The following SLC2A5 variants were observed in gnomAD, a reference collection of about 807,000 sequenced individuals.
SLC2A5 encodes the protein solute carrier family 2 member 5, also known as solute carrier family 2, facilitated glucose transporter member 5.
Under a neutral mutation model 50.3 loss-of-function variants are expected in SLC2A5, and 56 were observed. The ratio of observed to expected loss-of-function variants is 1.11; its 90% CI spans 0.90 to 1.39. The LOEUF (loss-of-function observed/expected upper bound fraction) is 1.39, where lower values mean the gene tolerates loss of function less well. Ranked by LOEUF, SLC2A5 falls within the 40% of genes most tolerant of loss-of-function variation. The probability of loss-of-function intolerance (pLI) is 0.00; values close to 1 mark genes in which losing one functional copy is unlikely to be tolerated. For synonymous variants in SLC2A5, 269 were observed against 281.9 expected (o/e 0.95, Z 0.46); for missense variants, 566 against 650.1 (o/e 0.87, Z 1.41).
upstream of SLC2A5, chr1:9,071,730 ACC>A (rs1642214772): frequency 6.6e-6 from 1 of 152,126 alleles, no homozygotes; most frequent in Admixed American, 6.5e-5. Context: ...CCAACGCTCG[ACC>A]CGTGCTTCCG....
chr1:9,071,414 C>T (rs893588070), upstream of SLC2A5, among the ~76,000 whole-genome samples: 1 of 152,138 alleles, frequency 6.6e-6, no homozygotes, highest in Non-Finnish European at 1.5e-5. Flanking sequence ...ATCTCCGTCC[C>T]CCATCCTCCC....
In SLC2A5 at chr1:9,045,691, G is replaced by A. The variant is rs955074642; in HGVS notation, c.418+1919C>T. Among the ~76,000 whole-genome samples the A allele has an allele frequency of 3.9e-5, 6 of 151,964 alleles. No homozygotes were observed. In the East Asian group the frequency reaches 9.7e-4, roughly 24 times the overall value. Reference sequence around the variant, plus strand: ...TTGAGACTAGCTTGGCCAACATAGTGAAACCCCATCTCTACCAAAAATACA... The same window carrying A: ...TTGAGACTAGCTTGGCCAACATAGTAAAACCCCATCTCTACCAAAAATACA... On this transcript the variant is annotated intron_variant, in intron 4 of 11. Coordinates refer to ENST00000377424, the MANE Select transcript of SLC2A5 (RefSeq NM_003039.3).
chr1:9,077,139 C>A (rs543891879), intron 2 of SLC2A5, among the ~76,000 whole-genome samples: 32 of 150,614 alleles, frequency 2.1e-4, no homozygotes, highest in Non-Finnish European at 3.8e-4. Flanking sequence ...GTGGCCCATG[C>A]CTATAATCCC....
intron 2 of SLC2A5, among the ~76,000 whole-genome samples, chr1:9,075,121 G>C (rs1642266295): frequency 6.6e-6 from 1 of 152,118 alleles, no homozygotes; most frequent in African/African-American, 2.4e-5. Flanking sequence ...GAAAGCAAAA[G>C]AGAAAGCAAA....
At chr1:9,041,407 G>T in intron 5 of SLC2A5, 1 of 1,097,024 alleles carries the variant, frequency 9.1e-7, no homozygotes, top group Non-Finnish European at 1.2e-6. Context: ...AGGCAGCAGC[G>T]TTGCTGGGAG....
intron 3 of SLC2A5, 44 bp from the exon 4 acceptor site, chr1:9,047,778 T>G (rs201185227): frequency 1.9e-6 from 3 of 1,601,420 alleles, no homozygotes; most frequent in Non-Finnish European, 1.7e-6. Flanking sequence ...AAGAATTCAC[T>G]CTTTCATTCA....
intron 2 of SLC2A5, among the ~76,000 whole-genome samples, chr1:9,078,511 A>T (rs948813582): frequency 3.3e-5 from 5 of 152,154 alleles, no homozygotes; most frequent in African/African-American, 1.2e-4. Flanking sequence ...CGCTTGGGTG[A>T]TGGGTGCACC....
At chr1:9,076,705 A>C (rs1642287220) in intron 2 of SLC2A5, among the ~76,000 whole-genome samples, 1 of 152,150 alleles carries the variant, frequency 6.6e-6, no homozygotes, top group Admixed American at 6.6e-5. Flanking sequence ...ATTTGGGCCA[A>C]GTTTGAGGAC....
intron 8 of SLC2A5, among the ~76,000 whole-genome samples, chr1:9,039,229 G>A (rs1385911333): frequency 2.0e-5 from 3 of 152,336 alleles, no homozygotes; most frequent in Admixed American, 6.5e-5. Flanking sequence ...CACCGGAGAC[G>A]CTGCCCCCAC....
At position 9,079,366 on chromosome 1, in the gene SLC2A5, C is replaced by A. The variant is rs577438050; in HGVS notation, c.-59+5648G>T. Among the ~76,000 whole-genome samples, 268 of 152,286 alleles carry A rather than the reference C, an allele frequency of 1.8e-3. 1 individual carries two copies. Among genetic ancestry groups the A allele is most frequent in the African/African-American group, 5.7e-3 (236 of 41,542 alleles). ...AGTGCACGTGCACAGGAAGGGCGTG[C>A]TCCTGGAGAAGCACAGGCAGAAGAC... On this transcript the variant is annotated intron_variant, in intron 2 of 5. Coordinates refer to the SLC2A5 transcript ENST00000464985.
intron 4 of SLC2A5, among the ~76,000 whole-genome samples, chr1:9,046,922 T>C (rs1329330960): frequency 6.6e-6 from 1 of 152,072 alleles, no homozygotes; most frequent in African/African-American, 2.4e-5. Context: ...CCCATGTTTT[T>C]CTTGTGATAC....
intron 1 of SLC2A5, among the ~76,000 whole-genome samples, chr1:9,060,066 C>T (rs1357049230): frequency 7.7e-6 from 1 of 129,704 alleles, no homozygotes; most frequent in Non-Finnish European, 1.6e-5. Context: ...ACACACAATA[C>T]ACACACTACA....
Position 9,041,909 on chromosome 1 carries a change from G to A in SLC2A5, c.447C>T (p.Tyr149=). 2 of 1,611,388 alleles carry A rather than the reference G, an allele frequency of 1.2e-6. No individual in the cohort carries two copies. The highest frequency in any genetic ancestry group is 1.7e-6 in the Non-Finnish European group (2 of 1,178,806). ...AGVSSNVVPM[Y]LGELAPKNLR... Reference sequence around the variant, plus strand: ...GGTTTTTAGGGGCCAGCTCCCCTAAGTACATGGGGACCACGTTGGAAGATA... The same window carrying A: ...GGTTTTTAGGGGCCAGCTCCCCTAAATACATGGGGACCACGTTGGAAGATA... Residue 149 remains tyrosine (Y), a synonymous_variant, in exon 5 of 12, where the codon TAC becomes TAT. Transcript: ENST00000377424.
At position 9,036,580 on chromosome 1, in the gene SLC2A5, C is replaced by T. The variant is rs113665082; in HGVS notation, c.*1006G>A. 0.011 allele frequency: 1,619 copies of T among 152,442 alleles called. 9 individuals carry two copies. The highest frequency in any genetic ancestry group is 0.016 in the Non-Finnish European group (1,116 of 68,178). 9.4% of individuals were successfully genotyped at this position (152,442 alleles called of 1,614,324 possible). ...AAGTGGCCGGGCGCAGTGGCTCACA[C>T]CTGTAATCCCAGCACTTTGAGGGGC... On this transcript the variant is annotated 3_prime_UTR_variant, in exon 12 of 12. Transcript: ENST00000377424.
chr1:9,060,829 T>C (rs1641921966), intron 1 of SLC2A5, among the ~76,000 whole-genome samples: 1 of 152,006 alleles, frequency 6.6e-6, no homozygotes, highest in South Asian at 2.1e-4. Context: ...TTCAACATAT[T>C]GGGCGCCCAA....
intron 4 of SLC2A5, 54 bp from the exon 5 acceptor site, chr1:9,041,991 A>G: frequency 1.3e-6 from 2 of 1,503,396 alleles, no homozygotes; most frequent in South Asian, 2.7e-5. Context: ...TGGCAGGGAC[A>G]AGCTGTCTTC....
At chr1:9,067,000 G>T (rs191092789) in intron 1 of SLC2A5, among the ~76,000 whole-genome samples, 82 of 150,662 alleles carry the variant, frequency 5.4e-4, no homozygotes, top group African/African-American at 1.9e-3. Flanking sequence ...AAAAAAAAAG[G>T]AAAAAGAAAG....
intron 3 of SLC2A5, among the ~76,000 whole-genome samples, chr1:9,053,763 A>C (rs1641686342): frequency 6.7e-6 from 1 of 149,816 alleles, no homozygotes; most frequent in African/African-American, 2.5e-5. Context: ...AATCTCAGCT[A>C]TTTGGGAGGC....
At chr1:9,060,642 C>CCACACACCCCCCACA in intron 1 of SLC2A5, among the ~76,000 whole-genome samples, 1 of 121,486 alleles carries the variant, frequency 8.2e-6, no homozygotes, top group African/African-American at 3.0e-5. Context: ...CACATACAGC[C>CCACACACCCCCCACA]CACACACCCC....
Sources: allele counts gnomAD v4.1 joint callset (sites outside exome capture counted in the v4.1 genomes callset), GRCh38; gene constraint gnomAD v4.1.1; transcripts MANE v1.5; gene names NCBI Gene and HGNC (gene_info 2026-07-23, HGNC 2026-07-21).